Variants in CA10 observed in about 807,000 individuals in gnomAD.
The protein encoded by CA10 is carbonic anhydrase-related protein 10.
Under a neutral mutation model 44.2 loss-of-function variants are expected in CA10, and 14 were observed. The observed-to-expected ratio is 0.32, with a 90% confidence interval of 0.21 to 0.50. The LOEUF (loss-of-function observed/expected upper bound fraction) is 0.50, where lower values mean the gene tolerates loss of function less well. CA10 is among the 20% of genes least tolerant of loss of function. The pLI is 0.99. For synonymous variants in CA10, 159 were observed against 141.6 expected (o/e 1.12, Z -0.87); for missense variants, 350 against 409.7 (o/e 0.85, Z 1.26).
chr17:52,004,273 T>C (rs574744001), intron 2 of CA10, among the ~76,000 whole-genome samples: 1 of 152,104 alleles, frequency 6.6e-6, no homozygotes, highest in East Asian at 1.9e-4. Flanking sequence ...AATCAATGCA[T>C]TTTATATACA....
chr17:52,157,652 T>G, intron 1 of CA10, 74 bp downstream of exon 1: 1 of 1,378,068 alleles, frequency 7.3e-7, no homozygotes, highest in East Asian at 2.3e-5. Flanking sequence ...CGCGGCTATA[T>G]ACAATAAAAC....
chr17:51,996,080 T>C (rs1042703310), intron 2 of CA10, among the ~76,000 whole-genome samples: 1 of 152,068 alleles, frequency 6.6e-6, no homozygotes, highest in Non-Finnish European at 1.5e-5. Context: ...TTGTCACCTG[T>C]ACTGTGGGTT....
intron 2 of CA10, among the ~76,000 whole-genome samples, chr17:51,942,891 T>G (rs1983137343): frequency 6.6e-6 from 1 of 152,026 alleles, no homozygotes; most frequent in African/African-American, 2.4e-5. Context: ...TTCCAATACT[T>G]GACACAATGT....
At chr17:51,720,974 C>T (rs949565072) in intron 4 of CA10, among the ~76,000 whole-genome samples, 1 of 152,142 alleles carries the variant, frequency 6.6e-6, no homozygotes, top group African/African-American at 2.4e-5. Flanking sequence ...CAATGTATGC[C>T]TAGATCAAAA....
chr17:51,880,100 C>G (rs1980296105), intron 3 of CA10, among the ~76,000 whole-genome samples: 1 of 152,188 alleles, frequency 6.6e-6, no homozygotes, highest in Admixed American at 6.5e-5. Context: ...ACCACCTGCT[C>G]TAATCACCCC....
intron 1 of CA10, among the ~76,000 whole-genome samples, chr17:52,100,011 A>T (rs187185881): frequency 3.3e-4 from 51 of 152,352 alleles, no homozygotes; most frequent in Non-Finnish European, 2.9e-4. Flanking sequence ...TAAGAATGTC[A>T]GAAAGGACGT....
chr17:52,116,495 C>T (rs1025580919), intron 1 of CA10, among the ~76,000 whole-genome samples: 13 of 152,158 alleles, frequency 8.5e-5, no homozygotes, highest in African/African-American at 2.4e-4. Flanking sequence ...CTCAGGCCCC[C>T]CTATTAACAT....
chr17:52,099,912 C>T (rs1218070447), intron 1 of CA10, among the ~76,000 whole-genome samples: 3 of 152,188 alleles, frequency 2.0e-5, no homozygotes, highest in Non-Finnish European at 4.4e-5. Flanking sequence ...AGGGAAAACC[C>T]TCTAGATTTG....
chr17:51,696,444 A>G lies in CA10; in HGVS notation c.466-42708T>C, dbSNP rs1397745862. ...GGGATTGTTGTAATGTTACCTTCGC[A>G]GTTTCTGATTGTGCTTACTTGGATC... On this transcript the variant is annotated intron_variant, in intron 4 of 8. Coordinates refer to ENST00000451037, the MANE Select transcript of CA10 (RefSeq NM_020178.5). Among the ~76,000 whole-genome samples, 2 of 152,108 alleles carry G rather than the reference A, an allele frequency of 1.3e-5. 1 individual carries two copies. Among genetic ancestry groups the G allele is most frequent in the Non-Finnish European group, 2.9e-5 (2 of 67,990 alleles).
chr17:52,043,871 T>C (rs975522712), intron 2 of CA10, among the ~76,000 whole-genome samples: 3 of 152,172 alleles, frequency 2.0e-5, no homozygotes, highest in Non-Finnish European at 4.4e-5. Flanking sequence ...GACTTCTGTA[T>C]GTTAAACCAT....
chr17:51,860,597 T>A (rs1979259901), intron 3 of CA10, among the ~76,000 whole-genome samples: 1 of 152,202 alleles, frequency 6.6e-6, no homozygotes, highest in Non-Finnish European at 1.5e-5. Flanking sequence ...GGATGCTTTT[T>A]CCTTAAGTTA....
intron 3 of CA10, among the ~76,000 whole-genome samples, chr17:51,872,713 A>C (rs1489341444): frequency 6.6e-5 from 10 of 152,238 alleles, no homozygotes; most frequent in Non-Finnish European, 1.5e-4. Flanking sequence ...GGAATTTTGC[A>C]AACTGGTTAA....
intron 3 of CA10, among the ~76,000 whole-genome samples, chr17:51,832,529 T>C (rs927500227): frequency 2.0e-5 from 3 of 152,180 alleles, no homozygotes; most frequent in Non-Finnish European, 2.9e-5. Context: ...TCATGATGGA[T>C]CTGAAGGAAG....
intron 3 of CA10, among the ~76,000 whole-genome samples, chr17:51,783,588 G>A (rs903783046): frequency 1.1e-4 from 17 of 150,928 alleles, no homozygotes; most frequent in Non-Finnish European, 2.4e-4. Context: ...CAGGCAAGGA[G>A]AATAAGAAAG....
intron 2 of CA10, among the ~76,000 whole-genome samples, chr17:51,939,673 G>A (rs1171024395): frequency 6.6e-6 from 1 of 152,020 alleles, no homozygotes; most frequent in Non-Finnish European, 1.5e-5. Context: ...AATATTTCTA[G>A]TATATTCTCA....
chr17:52,035,419 A>G (rs1598178283), intron 2 of CA10, among the ~76,000 whole-genome samples: 1 of 152,070 alleles, frequency 6.6e-6, no homozygotes, highest in South Asian at 2.1e-4. Context: ...AATCTCCTGC[A>G]TTTACCATTC....
chr17:52,100,020 G>A (rs1340976778), intron 1 of CA10, among the ~76,000 whole-genome samples: 7 of 152,186 alleles, frequency 4.6e-5, no homozygotes, highest in African/African-American at 1.7e-4. Flanking sequence ...CAGAAAGGAC[G>A]TAAAAATAAT....
At chr17:51,937,084 C>G (rs1012522044) in intron 2 of CA10, among the ~76,000 whole-genome samples, 7 of 152,100 alleles carry the variant, frequency 4.6e-5, no homozygotes, top group African/African-American at 1.2e-4. Flanking sequence ...TAAACTAAGT[C>G]CCCTACTTTT....
At chr17:51,888,790 C>A (rs1199407480) in intron 3 of CA10, among the ~76,000 whole-genome samples, 1 of 152,150 alleles carries the variant, frequency 6.6e-6, no homozygotes, top group Admixed American at 6.6e-5. Context: ...TTCCCATTAC[C>A]TATTGCTACA....
Sources: gnomAD v4.1 joint callset for allele counts (sites outside exome capture counted in the v4.1 genomes callset) on GRCh38, gnomAD v4.1.1 for gene constraint, MANE v1.5 for transcripts, NCBI Gene and HGNC (gene_info 2026-07-23, HGNC 2026-07-21) for gene names.